LRRC20: variants seen among roughly 807,000 people sequenced by gnomAD.
LRRC20 encodes leucine-rich repeat-containing protein 20.
LRRC20 carries 11 observed loss-of-function variants against 14.4 expected under a neutral mutation model. The observed-to-expected ratio is 0.77, with a 90% CI of 0.48 to 1.27. The LOEUF is 1.27. Among genes scored for constraint, LRRC20 ranks in the 50% most tolerant of loss-of-function variants. The pLI is 0.00. For missense variants in LRRC20, 219 were observed against 251.2 expected (o/e 0.87, Z 0.87); for synonymous variants, 121 against 107.3 (o/e 1.13, Z -0.79).
At chr10:70,331,759 G>A (rs1325880739) in intron 3 of LRRC20, among the ~76,000 whole-genome samples, 3 of 152,168 alleles carry the variant, frequency 2.0e-5, no homozygotes, top group Admixed American at 1.3e-4. Context: ...CACTCCCAAC[G>A]TTGTACCCAG....
rs371622456 is a variant in LRRC20 at position 70,376,510 on chromosome 10, G to C, written c.24C>G (p.Ala8=). 9.3e-6 allele frequency: 15 copies of C among 1,613,702 alleles called. No homozygotes were observed. Among genetic ancestry groups the C allele is most frequent in the Non-Finnish European group, 1.3e-5 (15 of 1,180,026 alleles). Residue 8 remains alanine, a synonymous_variant, in exon 2 of 5, where the codon GCC becomes GCG. Coordinates refer to ENST00000446961, the MANE Select transcript of LRRC20 (RefSeq NM_001278212.2). MLKKMGE[A]VARVARKVNE... ...TGACCTTCCTTGCTACTCTGGCCACGGCCTCACCCATCTTCTTCAGCATGC... is the reference window on the plus strand; with the variant it reads ...TGACCTTCCTTGCTACTCTGGCCACCGCCTCACCCATCTTCTTCAGCATGC...
At chr10:70,304,470 T>TTATATAGATATATATATA (rs1554835659) in intron 4 of LRRC20, among the ~76,000 whole-genome samples, 1 of 113,824 alleles carries the variant, frequency 8.8e-6, no homozygotes, top group African/African-American at 3.0e-5. Flanking sequence ...GGCCACTTCT[T>TTATATAGATATATATATA]TATATATATA....
At chr10:70,372,493 G>A (rs1844317225) in intron 2 of LRRC20, among the ~76,000 whole-genome samples, 1 of 146,782 alleles carries the variant, frequency 6.8e-6, no homozygotes, top group African/African-American at 2.5e-5. Context: ...CCAGGCTGGA[G>A]TCCAGTGGCG....
At chr10:70,316,408 C>T (rs1468555205) in intron 4 of LRRC20, among the ~76,000 whole-genome samples, 2 of 152,230 alleles carry the variant, frequency 1.3e-5, no homozygotes, top group Non-Finnish European at 2.9e-5. Flanking sequence ...CCTGGGATTA[C>T]AGGCGTGAGC....
chr10:70,337,208 G>C (rs1291763168), intron 3 of LRRC20, among the ~76,000 whole-genome samples: 1 of 152,178 alleles, frequency 6.6e-6, no homozygotes, highest in Non-Finnish European at 1.5e-5. Context: ...GGACAGAGCA[G>C]GCCTGCTGAG....
At chr10:70,357,604 C>T (rs768960146) in intron 2 of LRRC20, among the ~76,000 whole-genome samples, 11 of 152,154 alleles carry the variant, frequency 7.2e-5, no homozygotes, top group Non-Finnish European at 1.3e-4. Context: ...TTCTCACAAG[C>T]CCTGGACGAG....
intron 1 of LRRC20, among the ~76,000 whole-genome samples, chr10:70,378,983 C>G (rs927101464): frequency 2.6e-5 from 4 of 152,028 alleles, no homozygotes; most frequent in Non-Finnish European, 5.9e-5. Context: ...ACTTGTCTCC[C>G]CCATTGACCT....
intron 3 of LRRC20, among the ~76,000 whole-genome samples, chr10:70,331,903 A>G (rs1488376568): frequency 2.6e-5 from 4 of 152,184 alleles, no homozygotes. Context: ...TATCTTGGAC[A>G]ATTGCCAAGG....
At chr10:70,311,674 C>G (rs929176476) in intron 4 of LRRC20, among the ~76,000 whole-genome samples, 7 of 152,204 alleles carry the variant, frequency 4.6e-5, no homozygotes, top group Non-Finnish European at 7.4e-5. Flanking sequence ...TTTAACTTTC[C>G]CATGGCCCTC....
Position 70,376,495 on chromosome 10 carries a change from T to TA in LRRC20, c.38_39insT (p.Arg14LysfsTer12), listed in dbSNP as rs1844513423. 5 of 1,614,076 alleles carry TA rather than the reference T, an allele frequency of 3.1e-6. No homozygotes were observed. The highest frequency in any genetic ancestry group is 3.4e-6 in the Non-Finnish European group (4 of 1,180,024). Reference sequence around the variant, plus strand: ...TCTCCACCGTCTCGTTGACCTTCCTTGCTACTCTGGCCACGGCCTCACCCA... The same window carrying TA: ...TCTCCACCGTCTCGTTGACCTTCCTTAGCTACTCTGGCCACGGCCTCACCCA... On this transcript the variant is annotated frameshift_variant, in exon 2 of 5. Coordinates refer to ENST00000446961, the MANE Select transcript of LRRC20 (RefSeq NM_001278212.2). LOFTEE classifies it high-confidence loss of function.
intron 4 of LRRC20, among the ~76,000 whole-genome samples, chr10:70,317,769 G>T (rs1841921042): frequency 6.6e-6 from 1 of 152,204 alleles, no homozygotes; most frequent in South Asian, 2.1e-4. Context: ...GGTTCAATCT[G>T]CCTCGTGAGC....
chr10:70,307,762 G>C (rs568383206), intron 4 of LRRC20, among the ~76,000 whole-genome samples: 19 of 152,362 alleles, frequency 1.2e-4, no homozygotes, highest in African/African-American at 4.6e-4. Flanking sequence ...TCCAGTGACT[G>C]TGGTGCCTCA....
chr10:70,316,847 T>C (rs1841883158), intron 4 of LRRC20, among the ~76,000 whole-genome samples: 2 of 152,372 alleles, frequency 1.3e-5, no homozygotes, highest in South Asian at 4.1e-4. Context: ...CAATGCCTGG[T>C]GAGCACAACT....
intron 2 of LRRC20, among the ~76,000 whole-genome samples, chr10:70,365,843 G>A (rs1169186185): frequency 6.6e-6 from 1 of 152,188 alleles, no homozygotes; most frequent in South Asian, 2.1e-4. Context: ...GGCCGAGGCG[G>A]GCGGATCACG....
chr10:70,376,745 G>A (rs975823437), intron 1 of LRRC20, 149 bp from the exon 2 acceptor site: 5 of 577,024 alleles, frequency 8.7e-6, no homozygotes, highest in South Asian at 2.0e-5. Context: ...TTGCAGGGCC[G>A]AGAGCTCAGG....
At chr10:70,372,249 G>A (rs933337422) in intron 2 of LRRC20, among the ~76,000 whole-genome samples, 6 of 152,014 alleles carry the variant, frequency 3.9e-5, no homozygotes, top group African/African-American at 1.2e-4. Flanking sequence ...AGAGTAATAC[G>A]TTCATTATAG....
intron 2 of LRRC20, among the ~76,000 whole-genome samples, chr10:70,353,602 G>C (rs2137070058): frequency 6.6e-6 from 1 of 152,236 alleles, no homozygotes; most frequent in East Asian, 1.9e-4. Context: ...ATTTTTAGTA[G>C]AGAAGGGGTT....
chr10:70,301,194 T>C lies in LRRC20; in HGVS notation c.*160A>G. 1 of 1,419,296 alleles carries C rather than the reference T, an allele frequency of 7.0e-7. No homozygotes were observed. Among genetic ancestry groups the C allele is most frequent in the Non-Finnish European group, 9.2e-7 (1 of 1,090,218 alleles). 87.9% of individuals were successfully genotyped at this position (1,419,296 alleles called of 1,614,324 possible). A position where few individuals can be genotyped will look rare whatever the true frequency, so the allele number is the denominator to read the frequency against. On this transcript the variant is annotated 3_prime_UTR_variant, in exon 5 of 5. Transcript: ENST00000446961. Reference sequence around the variant, plus strand: ...TGGGCATTCCAGAGCCCACTACTGCTGTAAGCTATCTATCCAGACCAGCTG... The same window carrying C: ...TGGGCATTCCAGAGCCCACTACTGCCGTAAGCTATCTATCCAGACCAGCTG...
chr10:70,376,394 C>G, intron 2 of LRRC20, 58 bp downstream of exon 2: 4 of 1,549,490 alleles, frequency 2.6e-6, no homozygotes, highest in Non-Finnish European at 3.6e-6. Flanking sequence ...TGTTTCATTT[C>G]TAAGCTGATC....
Sources: allele counts gnomAD v4.1 joint callset (sites outside exome capture counted in the v4.1 genomes callset), GRCh38; gene constraint gnomAD v4.1.1; transcripts MANE v1.5; gene names NCBI Gene and HGNC (gene_info 2026-07-23, HGNC 2026-07-21).